Variants in AFF3 observed in about 807,000 individuals in gnomAD.
AFF3 encodes the protein AF4/FMR2 family member 3.
In AFF3, 32 loss-of-function variants were observed where a neutral mutation model predicts 129.7. That is an observed-to-expected ratio of 0.25 (90% CI 0.19 to 0.33). AFF3 has a LOEUF of 0.33. Ranked by LOEUF, AFF3 falls within the 10% of genes least tolerant of loss-of-function variation. The probability of loss-of-function intolerance (pLI) is 1.00; values close to 1 mark genes in which losing one functional copy is unlikely to be tolerated. For synonymous variants in AFF3, 644 were observed against 635.4 expected (o/e 1.01, Z -0.20); for missense variants, 1,373 against 1,592.0 (o/e 0.86, Z 2.34).
intron 11 of AFF3, among the ~76,000 whole-genome samples, chr2:99,682,086 T>A (rs2104561798): frequency 6.6e-6 from 1 of 152,104 alleles, no homozygotes; most frequent in Admixed American, 6.5e-5. Flanking sequence ...TTTGTATTTT[T>A]AGTAGAGACA....
chr2:99,777,751 G>A (rs190652364), intron 8 of AFF3, among the ~76,000 whole-genome samples: 59 of 151,830 alleles, frequency 3.9e-4, no homozygotes, highest in African/African-American at 1.3e-3. Context: ...TGAAGTGCTG[G>A]TCTTGGCCAG....
At chr2:99,806,700 C>T (rs7595476) in intron 8 of AFF3, among the ~76,000 whole-genome samples, 7,413 of 152,170 alleles carry the variant, frequency 0.049, 275 homozygotes, top group Middle Eastern at 0.085. Flanking sequence ...TCTCCACGCC[C>T]CCACCCTCAT....
intron 11 of AFF3, among the ~76,000 whole-genome samples, chr2:99,721,452 C>T (rs1678879356): frequency 6.6e-6 from 1 of 151,034 alleles, no homozygotes. Context: ...TCGCTTGAAC[C>T]TGGGAGGCAG....
intron 7 of AFF3, among the ~76,000 whole-genome samples, chr2:99,869,375 T>C (rs932237623): frequency 3.3e-5 from 5 of 149,690 alleles, no homozygotes; most frequent in Non-Finnish European, 1.5e-5. Context: ...ATTCACTCAA[T>C]AAACATTTAC....
chr2:99,618,938 G>A (rs913132846), intron 13 of AFF3, among the ~76,000 whole-genome samples: 3 of 128,166 alleles, frequency 2.3e-5, no homozygotes, highest in Non-Finnish European at 4.9e-5. Flanking sequence ...TCAGAGACAG[G>A]GGCTTGCTAT....
At chr2:99,951,653 T>C (rs1485933372) in intron 7 of AFF3, among the ~76,000 whole-genome samples, 1 of 152,180 alleles carries the variant, frequency 6.6e-6, no homozygotes, top group African/African-American at 2.4e-5. Context: ...CCTTTTTATT[T>C]ATTTATTTTG....
At chr2:99,927,712 T>G (rs190601277) in intron 7 of AFF3, among the ~76,000 whole-genome samples, 5 of 152,210 alleles carry the variant, frequency 3.3e-5, no homozygotes, top group Admixed American at 3.3e-4. Context: ...AACTTGCCCA[T>G]GTACCCCTGA....
chr2:100,140,767 A>G (rs1692831182), intron 1 of AFF3, among the ~76,000 whole-genome samples: 1 of 152,154 alleles, frequency 6.6e-6, no homozygotes, highest in Non-Finnish European at 1.5e-5. Flanking sequence ...TTCCTCTCAC[A>G]AGCAGGCCTC....
chr2:99,672,176 T>TCACACACACACACACACA (rs55867427), intron 12 of AFF3, among the ~76,000 whole-genome samples: 2 of 37,260 alleles, frequency 5.4e-5, no homozygotes, highest in Non-Finnish European at 1.1e-4. Flanking sequence ...CCAGTTAGCT[T>TCACACACACACACACACA]CTCACACACA....
At chr2:99,567,952 A>G (rs751240446) in intron 19 of AFF3, among the ~76,000 whole-genome samples, 1 of 152,204 alleles carries the variant, frequency 6.6e-6, no homozygotes, top group African/African-American at 2.4e-5. Flanking sequence ...TGTGTGGACA[A>G]GAGCTGTACC....
chr2:99,980,415 C>T (rs550393046), intron 7 of AFF3, among the ~76,000 whole-genome samples: 1 of 152,312 alleles, frequency 6.6e-6, no homozygotes, highest in Non-Finnish European at 1.5e-5. Context: ...AGCTCAGAAA[C>T]AACTGTGCTG....
intron 7 of AFF3, among the ~76,000 whole-genome samples, chr2:99,967,542 C>T (rs974604854): frequency 1.7e-4 from 26 of 152,248 alleles, no homozygotes; most frequent in African/African-American, 6.3e-4. Flanking sequence ...CCCACCTCCA[C>T]ATTCAGTGGC....
chr2:99,891,893 G>A (rs1693585822), intron 7 of AFF3, among the ~76,000 whole-genome samples: 2 of 151,686 alleles, frequency 1.3e-5, no homozygotes, highest in South Asian at 2.1e-4. Context: ...CATGATCTCA[G>A]CTCACTGCAA....
chr2:100,128,272 T>C (rs1692283768), intron 2 of AFF3, among the ~76,000 whole-genome samples: 2 of 152,202 alleles, frequency 1.3e-5, no homozygotes, highest in Non-Finnish European at 1.5e-5. Flanking sequence ...CTCTGTGAAC[T>C]CGCCCTGAAT....
chr2:99,909,295 C>T (rs529077876), intron 7 of AFF3, among the ~76,000 whole-genome samples: 8 of 147,122 alleles, frequency 5.4e-5, no homozygotes, highest in African/African-American at 2.0e-4. Context: ...AAAGAGAACA[C>T]ATGGACACAG....
intron 1 of AFF3, among the ~76,000 whole-genome samples, chr2:100,141,034 C>T (rs1214935699): frequency 6.6e-6 from 1 of 152,084 alleles, no homozygotes; most frequent in Non-Finnish European, 1.5e-5. Flanking sequence ...CTTACTGAGC[C>T]CTTTCAATGT....
intron 2 of AFF3, 48 bp from the exon 3 acceptor site, chr2:100,105,631 A>C (rs2105508829): frequency 1.5e-6 from 2 of 1,338,140 alleles, no homozygotes; most frequent in South Asian, 1.2e-5. Flanking sequence ...GAGTAATAAT[A>C]ATCTCCCTCA....
intron 7 of AFF3, among the ~76,000 whole-genome samples, chr2:99,945,003 G>A (rs1675420985): frequency 6.6e-6 from 1 of 152,168 alleles, no homozygotes; most frequent in African/African-American, 2.4e-5. Context: ...CCACTCATTG[G>A]ACACCTATGC....
intron 7 of AFF3, among the ~76,000 whole-genome samples, chr2:99,897,322 T>A (rs886394466): frequency 2.6e-5 from 4 of 152,146 alleles, no homozygotes; most frequent in Non-Finnish European, 4.4e-5. Context: ...TGCAATTAAT[T>A]TGAAAATAAA....
Sources: allele counts gnomAD v4.1 joint callset (sites outside exome capture counted in the v4.1 genomes callset), GRCh38; gene constraint gnomAD v4.1.1; transcripts MANE v1.5; gene names NCBI Gene and HGNC (gene_info 2026-07-23, HGNC 2026-07-21).